TFAP2B: variants seen among roughly 807,000 people sequenced by gnomAD.
The protein encoded by TFAP2B is transcription factor AP-2 beta, also known as transcription factor AP-2-beta.
Under a neutral mutation model 44.3 loss-of-function variants are expected in TFAP2B, and 9 were observed. The observed-to-expected ratio is 0.20, with a 90% CI of 0.12 to 0.35. TFAP2B has a LOEUF of 0.35. Among genes scored for constraint, TFAP2B ranks in the 10% least tolerant of loss-of-function variants. The pLI is 1.00. For synonymous variants in TFAP2B, 270 were observed against 263.8 expected (o/e 1.02, Z -0.23); for missense variants, 509 against 600.0 (o/e 0.85, Z 1.59).
chr6:50,829,573 AT>A (rs1290045266), intron 3 of TFAP2B, among the ~76,000 whole-genome samples: 1 of 152,128 alleles, frequency 6.6e-6, no homozygotes, highest in Non-Finnish European at 1.5e-5. Flanking sequence ...TGACGATACA[AT>A]TTTAATACTG....
chr6:50,837,662 A>G (rs1457372780), intron 4 of TFAP2B, among the ~76,000 whole-genome samples: 1 of 152,180 alleles, frequency 6.6e-6, no homozygotes, highest in Non-Finnish European at 1.5e-5. Context: ...CAAGGAAGGA[A>G]CATGCACGTG....
rs1337758081 is a variant in TFAP2B at position 50,828,752 on chromosome 6, T to C, written c.601+73T>C. ...AACGTCTTTATGATGAATTTTCACT[T>C]TGGGGGAATTCATTATTTGACAAGA... On this transcript the variant is annotated intron_variant, in intron 3 of 6. Coordinates refer to ENST00000393655, the MANE Select transcript of TFAP2B (RefSeq NM_003221.4). The C allele has an allele frequency of 4.0e-6, 6 of 1,503,726 alleles. No individual in the cohort carries two copies. The Middle Eastern group carries it at 6.8e-4, about 171-fold the overall frequency. 93.1% of individuals were successfully genotyped at this position (1,503,726 alleles called of 1,614,324 possible). A position where few individuals can be genotyped will look rare whatever the true frequency, so the allele number is the denominator to read the frequency against.
intron 2 of TFAP2B, among the ~76,000 whole-genome samples, chr6:50,825,867 A>G (rs536402607): frequency 9.7e-4 from 148 of 152,238 alleles, no homozygotes; most frequent in Non-Finnish European, 1.9e-3. Flanking sequence ...GACGACCCCT[A>G]TAGTGCAAGG....
intron 1 of TFAP2B, 31 bp from the exon 2 acceptor site, chr6:50,823,376 G>A: frequency 6.5e-7 from 1 of 1,536,232 alleles, no homozygotes; most frequent in Non-Finnish European, 8.8e-7. Flanking sequence ...TCCTTCTCTG[G>A]CTCTCTTCCC....
intron 4 of TFAP2B, among the ~76,000 whole-genome samples, 168 bp downstream of exon 4, chr6:50,836,448 G>A (rs1022971161): frequency 2.6e-5 from 4 of 152,236 alleles, no homozygotes; most frequent in African/African-American, 9.6e-5. Flanking sequence ...CAGCGCTTGG[G>A]AGGATCCGCG....
chr6:50,819,530 A>T (rs534857158), intron 1 of TFAP2B, among the ~76,000 whole-genome samples: 1 of 152,312 alleles, frequency 6.6e-6, no homozygotes, highest in South Asian at 2.1e-4. Context: ...GTAGCAGTTT[A>T]TTAGTTTCTG....
chr6:50,822,183 C>A, intron 1 of TFAP2B: 1 of 1,302,638 alleles, frequency 7.7e-7, no homozygotes, highest in Non-Finnish European at 1.0e-6. Flanking sequence ...TCACGTGTTA[C>A]CAGAATTGCA....
At chr6:50,840,009 T>C (rs766895402) in intron 5 of TFAP2B, 147 bp from the exon 6 acceptor site, 59 of 1,079,602 alleles carry the variant, frequency 5.5e-5, no homozygotes, top group Non-Finnish European at 7.9e-5. Flanking sequence ...GAGAATCATT[T>C]TTCCTTTAGG....
chr6:50,820,856 G>A (rs754711367), intron 1 of TFAP2B, among the ~76,000 whole-genome samples: 3 of 151,862 alleles, frequency 2.0e-5, no homozygotes, highest in Non-Finnish European at 4.4e-5. Context: ...AAGGAAGGAG[G>A]GAGAGAAGAA....
chr6:50,836,960 G>C (rs2817401), intron 4 of TFAP2B, among the ~76,000 whole-genome samples: 1 of 152,192 alleles, frequency 6.6e-6, no homozygotes, highest in East Asian at 1.9e-4. Flanking sequence ...ACTCCTCCTC[G>C]TGGAAATGTG....
chr6:50,830,375 G>T, intron 3 of TFAP2B: 1 of 867,176 alleles, frequency 1.2e-6, no homozygotes, highest in Non-Finnish European at 1.4e-6. Context: ...GGGATGCTTT[G>T]GTTTCAGAGC....
intron 6 of TFAP2B, among the ~76,000 whole-genome samples, chr6:50,840,742 G>T (rs959722388): frequency 1.3e-5 from 2 of 152,236 alleles, no homozygotes; most frequent in Non-Finnish European, 2.9e-5. Context: ...CAACGTTGCT[G>T]TTTGTCATCT....
At chr6:50,823,893 C>T (rs184509474) in intron 2 of TFAP2B, 28 bp downstream of exon 2, 1 of 1,260,486 alleles carries the variant, frequency 7.9e-7, no homozygotes. Flanking sequence ...AACAAACAAA[C>T]AAAAAAGACC....
At chr6:50,843,013 T>C (rs1403526077) in intron 6 of TFAP2B, 79 bp from the exon 7 acceptor site, 9 of 1,589,656 alleles carry the variant, frequency 5.7e-6, no homozygotes, top group Non-Finnish European at 6.9e-6. Flanking sequence ...GCCTCTGGGC[T>C]TGTGTGAGCG....
chr6:50,833,500 G>A lies in TFAP2B; in HGVS notation c.602-2561G>A, dbSNP rs563834082. The stretch of plus-strand genomic sequence containing the variant: ...AGTCCAAAGCACATCTTCTGACATT[G>A]TCCTTGCTTTGACTGGAAGGGGAAA... On this transcript the variant is annotated intron_variant, in intron 3 of 6. Coordinates refer to ENST00000393655, the MANE Select transcript of TFAP2B (RefSeq NM_003221.4). Among the ~76,000 whole-genome samples, 8 of 152,066 alleles carry A rather than the reference G, an allele frequency of 5.3e-5. No homozygotes were observed. The East Asian group carries it at 1.5e-3, about 29-fold the overall frequency.
At chr6:50,839,312 GT>G (rs1762679519) in intron 5 of TFAP2B, among the ~76,000 whole-genome samples, 1 of 152,188 alleles carries the variant, frequency 6.6e-6, no homozygotes, top group African/African-American at 2.4e-5. Flanking sequence ...CATGCCTGAA[GT>G]CTTTTGTTGT....
At chr6:50,819,274 T>C (rs1452928352) in intron 1 of TFAP2B, among the ~76,000 whole-genome samples, 6 of 136,028 alleles carry the variant, frequency 4.4e-5, no homozygotes, top group African/African-American at 8.1e-5. Flanking sequence ...GGGAATGTGG[T>C]GCTACTGAAT....
At chr6:50,827,070 C>A (rs1407791030) in intron 2 of TFAP2B, among the ~76,000 whole-genome samples, 1 of 152,220 alleles carries the variant, frequency 6.6e-6, no homozygotes, top group African/African-American at 2.4e-5. Flanking sequence ...AACTACCCCA[C>A]GTCGCTGATG....
intron 1 of TFAP2B, among the ~76,000 whole-genome samples, chr6:50,820,223 C>G (rs1222658299): frequency 1.3e-5 from 2 of 152,210 alleles, no homozygotes; most frequent in Non-Finnish European, 2.9e-5. Flanking sequence ...CCCCAAAGAG[C>G]CGAGAAAGAC....
Sources: gnomAD v4.1 joint callset for allele counts (sites outside exome capture counted in the v4.1 genomes callset) on GRCh38, gnomAD v4.1.1 for gene constraint, MANE v1.5 for transcripts, NCBI Gene and HGNC (gene_info 2026-07-23, HGNC 2026-07-21) for gene names.